Variants in DVL1 observed in about 807,000 individuals in gnomAD.
The protein encoded by DVL1 is segment polarity protein dishevelled homolog DVL-1.
DVL1 carries 49 observed loss-of-function variants against 65.0 expected under a neutral mutation model. The ratio of observed to expected loss-of-function variants is 0.75; its 90% confidence interval spans 0.60 to 0.96. DVL1 has a LOEUF of 0.96. Ranked by LOEUF, DVL1 falls within the 40% of genes least tolerant of loss-of-function variation. DVL1 has a pLI of 0.00. For synonymous variants in DVL1, 608 were observed against 433.9 expected (o/e 1.40, Z -4.99); for missense variants, 1,197 against 1,045.4 (o/e 1.15, Z -2.00).
Position 1,338,061 on chromosome 1 carries a change from C to G in DVL1, c.1630G>C (p.Gly544Arg). 2 of 1,611,192 alleles carry G rather than the reference C, an allele frequency of 1.2e-6. No homozygotes were observed. The highest frequency in any genetic ancestry group is 8.5e-7 in the Non-Finnish European group (1 of 1,179,294). ...GCAGGCGGGAAGCAGGGTGGGGGTC[C>G]CGGGTACTGGTAGGGGTAGCCCTGA... ...LGQGYPYQYP[G>R]PPPCFPPAYQ... is the part of the protein sequence containing the mutation. The change falls in exon 14 of 15, where the codon GGA becomes CGA. Residue 544 changes from glycine (G) to arginine (R), a missense_variant. Transcript: ENST00000378888.
At position 1,338,372 on chromosome 1, in the gene DVL1, C is replaced by A. The variant is rs1557664671; in HGVS notation, c.1404G>T (p.Arg468=). Residue 468 remains arginine (R), a synonymous_variant, in exon 13 of 15, where the codon CGG becomes CGT. Coordinates refer to ENST00000378888, the MANE Select transcript of DVL1 (RefSeq NM_001330311.2). ...GCTTCAGCAAGCTGCTGGCGTACTT[C>A]CGGGCCTCCCGCCGCTCCTTGAAGC... is the stretch of plus-strand genomic sequence containing the variant. ...VEGFKERREA[R]KYASSLLKHG... The A allele has an allele frequency of 6.2e-7, 1 of 1,612,498 alleles. No individual in the cohort carries two copies. The highest frequency in any genetic ancestry group is 8.5e-7 in the Non-Finnish European group (1 of 1,179,856).
chr1:1,341,288 C>T (rs147339132), intron 5 of DVL1, among the ~76,000 whole-genome samples: 34 of 151,728 alleles, frequency 2.2e-4, no homozygotes, highest in Non-Finnish European at 8.8e-5. Flanking sequence ...TGAAAACGCA[C>T]CTCACACACA....
Position 1,339,592 on chromosome 1 carries a change from G to C in DVL1, c.1044C>G (p.Thr348=). 1 of 1,607,050 alleles carries C rather than the reference G, an allele frequency of 6.2e-7. No homozygotes were observed. Among genetic ancestry groups the C allele is most frequent in the Non-Finnish European group, 8.5e-7 (1 of 1,176,316 alleles). Reference sequence around the variant, plus strand: ...CCGAGGGCCACTCACCCCGTGGGACGGTGAAGTAGCTTCGGGGCGTTGGGT... The same window carrying C: ...CCGAGGGCCACTCACCCCGTGGGACCGTGAAGTAGCTTCGGGGCGTTGGGT... ...CWDPTPRSYF[T]VPRADPVRPI... The change falls in exon 10 of 15, where the codon ACC becomes ACG. Residue 348 remains threonine, a synonymous_variant. Coordinates refer to ENST00000378888, the MANE Select transcript of DVL1 (RefSeq NM_001330311.2).
At chr1:1,341,886 G>A in intron 4 of DVL1, 81 bp from the exon 5 acceptor site, 4 of 1,486,384 alleles carry the variant, frequency 2.7e-6, no homozygotes, top group Non-Finnish European at 3.6e-6. Flanking sequence ...AGTGCTGCAT[G>A]CCTGTGGGTC....
Position 1,339,781 on chromosome 1 carries a change from T to C in DVL1, c.941A>G (p.Asn314Ser), listed in dbSNP as rs772527321. ...VNDVNFENMS[N>S]DDAVRVLREI... ...CCGCAGCACCCGCACGGCATCGTCATTGCTCATGTTCTCAAAGTTCACGTC... is the reference window on the plus strand; with the variant it reads ...CCGCAGCACCCGCACGGCATCGTCACTGCTCATGTTCTCAAAGTTCACGTC... Residue 314 changes from asparagine to serine, a missense_variant, in exon 9 of 15, where the codon AAT (asparagine) becomes AGT (serine). Transcript: ENST00000378888. The C allele has an allele frequency of 6.2e-6, 10 of 1,612,212 alleles. No individual in the cohort carries two copies. In the East Asian group the frequency reaches 2.2e-4, roughly 36 times the overall value.
In DVL1 at chr1:1,349,247, G is replaced by A; in HGVS notation, c.-182C>T. ...CCCGGCCGCCGCCCCCGGCTCCCGC[G>A]CGCGTCCCGACTGCTGCCCCGCGGC... On this transcript the variant is annotated 5_prime_UTR_variant, in exon 1 of 15. Transcript: ENST00000378888. The surrounding 1 kb of genome is among the most constrained non-coding windows in gnomAD (Gnocchi z 4.1). The A allele has an allele frequency of 5.2e-6, 1 of 193,134 alleles. No homozygotes were observed. The highest frequency in any genetic ancestry group is 9.1e-6 in the Non-Finnish European group (1 of 109,474). 12.0% of individuals were successfully genotyped at this position (193,134 alleles called of 1,614,324 possible). A position where few individuals can be genotyped will look rare whatever the true frequency, so the allele number is the denominator to read the frequency against.
At chr1:1,336,849 T>C (rs1418565173) in intron 14 of DVL1, among the ~76,000 whole-genome samples, 1 of 152,100 alleles carries the variant, frequency 6.6e-6, no homozygotes, top group African/African-American at 2.4e-5. Flanking sequence ...GGTGCCCCCG[T>C]GGCCATCCTG....
intron 1 of DVL1, among the ~76,000 whole-genome samples, chr1:1,348,455 G>A (rs1246541619): frequency 6.6e-6 from 1 of 152,160 alleles, no homozygotes; most frequent in South Asian, 2.1e-4. Context: ...TGACCCTCGG[G>A]AAGCTTCTGC....
chr1:1,336,494 G>T lies in DVL1; in HGVS notation c.1736C>A (p.Thr579Asn). The T allele has an allele frequency of 6.5e-7, 1 of 1,529,390 alleles. No homozygotes were observed. The highest frequency in any genetic ancestry group is 8.7e-7 in the Non-Finnish European group (1 of 1,147,770). 94.7% of individuals were successfully genotyped at this position (1,529,390 alleles called of 1,614,324 possible). ...GCCCGGGGCCCGGCGGCTGCTCCGG[G>T]TGGACCCACTGCTTTTGCTCCCTGG... ...QSEGSKSSGS[T>N]RSSRRAPGRE... is the part of the protein sequence containing the mutation. The change falls in exon 15 of 15, where the codon ACC (threonine) becomes AAC (asparagine). Residue 579 changes from threonine (T) to asparagine (N), a missense_variant. By Grantham distance (65) the Thr-to-Asn change is moderately conservative (BLOSUM62 0). Transcript: ENST00000378888.
Position 1,340,389 on chromosome 1 carries a change from C to A in DVL1, c.699+21G>T, listed in dbSNP as rs755728767. ...CTGACTTCGCCTCCCCAGCCCCGCC[C>A]TGCTCCACCCGGCTGCCTACCCGGT... On this transcript the variant is annotated intron_variant, in intron 6 of 14. Coordinates refer to ENST00000378888, the MANE Select transcript of DVL1 (RefSeq NM_001330311.2). 9.9e-6 allele frequency: 16 copies of A among 1,612,540 alleles called. No homozygotes were observed. The African/African-American group carries it at 2.0e-4, about 20-fold the overall frequency.
At position 1,349,213 on chromosome 1, in the gene DVL1, C is replaced by A. The variant is rs1036242591; in HGVS notation, c.-148G>T. On this transcript the variant is annotated 5_prime_UTR_variant, in exon 1 of 15. Transcript: ENST00000378888. This position sits in a 1 kb window ranked among gnomAD's most constrained non-coding sequence, Gnocchi z 4.1. ...AGGCCCCCGGGCGCCCCCGCCCGAC[C>A]GCCCAGGCCCCGGCCGCCGCCCCCG... is the stretch of plus-strand genomic sequence containing the variant. 2 of 337,000 alleles carry A rather than the reference C, an allele frequency of 5.9e-6. No individual in the cohort carries two copies. The highest frequency in any genetic ancestry group is 1.1e-4 in the South Asian group (1 of 9,088). The allele number at this position is 337,000 out of a possible 1,614,324, so 20.9% of individuals were successfully genotyped here. A position where few individuals can be genotyped will look rare whatever the true frequency, so the allele number is the denominator to read the frequency against.
rs371155444 is a variant in DVL1 at position 1,336,223 on chromosome 1, G to C, written c.2007C>G (p.Val669=). 9 of 1,558,852 alleles carry C rather than the reference G, an allele frequency of 5.8e-6. No homozygotes were observed. Among genetic ancestry groups the C allele is most frequent in the African/African-American group, 1.3e-5 (1 of 74,230 alleles). Residue 669 remains valine (V), a synonymous_variant, in exon 15 of 15, where the codon GTC becomes GTG. Transcript: ENST00000378888. ...GGCGGCTGCCTGTCAATTCCGGGGG[G>C]ACGGCAGCCAGCTCCCGGACAGGGG... ...GGPPVRELAA[V]PPELTGSRQS... is the part of the protein sequence containing the mutation.
chr1:1,341,147 C>T (rs1428880012), intron 5 of DVL1, among the ~76,000 whole-genome samples: 1 of 148,610 alleles, frequency 6.7e-6, no homozygotes, highest in Non-Finnish European at 1.5e-5. Flanking sequence ...GCACGCACAC[C>T]TTCACATACA....
Position 1,340,314 on chromosome 1 carries a change from G to A in DVL1, c.702C>T (p.Ala234=), listed in dbSNP as rs141536842. The A allele has an allele frequency of 8.1e-5, 130 of 1,613,952 alleles. No homozygotes were observed. In the African/African-American group the frequency reaches 1.3e-3, roughly 16 times the overall value. ...RKQRLRQADR[A]SSFSSITDST... is the part of the protein sequence containing the mutation. The stretch of plus-strand genomic sequence containing the variant: ...AGTCGGTTATGCTGCTGAAGGAGGA[G>A]GCCTATGGAGGAGAGGGGGCGTGTG... Residue 234 remains alanine, a splice_region_variant and synonymous_variant, in exon 7 of 15, where the codon GCC becomes GCT. Coordinates refer to ENST00000378888, the MANE Select transcript of DVL1 (RefSeq NM_001330311.2).
rs372681220 is a variant in DVL1 at position 1,336,453 on chromosome 1, G to A, written c.1777C>T (p.Arg593Trp). The change falls in exon 15 of 15, where the codon CGG becomes TGG. Residue 593 changes from arginine (R) to tryptophan (W), a missense_variant. Coordinates refer to ENST00000378888, the MANE Select transcript of DVL1 (RefSeq NM_001330311.2). ...CCACTGCCCCCAGCTCCCGCCGCCC[G>A]ACGCTCCTTCTCACGGCCCGGGGCC... ...RRAPGREKERRAAGAGGSGSE... is the reference protein window; with the variant it reads ...RRAPGREKERWAAGAGGSGSE... 2.6e-4 allele frequency: 411 copies of A among 1,571,592 alleles called. No individual in the cohort carries two copies. Among genetic ancestry groups the A allele is most frequent in the Non-Finnish European group, 3.2e-4 (377 of 1,166,664 alleles).
rs565156064 is a variant in DVL1 at position 1,346,225 on chromosome 1, C to T, written c.170+2671G>A. ...CAGGACACAAGGAGCTGTCACAACA[C>T]CGAGGCCCATGGCAGGCGGCCCTGG... On this transcript the variant is annotated intron_variant, in intron 1 of 14. Transcript: ENST00000378888. Among the ~76,000 whole-genome samples, 581 of 152,266 alleles carry T rather than the reference C, an allele frequency of 3.8e-3. 4 individuals are homozygous for T. Among genetic ancestry groups the T allele is most frequent in the African/African-American group, 0.013 (547 of 41,556 alleles).
At position 1,336,274 on chromosome 1, in the gene DVL1, T is replaced by C. The variant is rs2100702878; in HGVS notation, c.1956A>G (p.Thr652=). The change falls in exon 15 of 15, where the codon ACA becomes ACG. Residue 652 remains threonine (T), a synonymous_variant. Coordinates refer to ENST00000378888, the MANE Select transcript of DVL1 (RefSeq NM_001330311.2). The stretch of plus-strand genomic sequence containing the variant: ...GTCCCCCGGGTGGCCCCCCCACCAC[T>C]GTATAGGCCTTGGTCGTGGGGTGGG... The part of the protein sequence containing the change: ...PPPHPTTKAY[T]VVGGPPGGPP... 3 of 1,563,572 alleles carry C rather than the reference T, an allele frequency of 1.9e-6. No individual in the cohort carries two copies. Among genetic ancestry groups the C allele is most frequent in the East Asian group, 2.3e-5 (1 of 43,030 alleles).
At chr1:1,341,316 A>T (rs1643817208) in intron 5 of DVL1, among the ~76,000 whole-genome samples, 1 of 152,150 alleles carries the variant, frequency 6.6e-6, no homozygotes, top group Non-Finnish European at 1.5e-5. Flanking sequence ...GCACACACAG[A>T]CATGCGCATC....
In DVL1 at chr1:1,337,965, C is replaced by G; in HGVS notation, c.1714+12G>C. On this transcript the variant is annotated intron_variant, in intron 14 of 14. Transcript: ENST00000378888. ...GGAGCCGGGGAAGGGCAGGTAGGGG[C>G]GGCGTTCTCACCTTCACTCTGCTGA... 1 of 1,608,000 alleles carries G rather than the reference C, an allele frequency of 6.2e-7. No homozygotes were observed. Among genetic ancestry groups the G allele is most frequent in the Non-Finnish European group, 8.5e-7 (1 of 1,177,624 alleles).
Sources: allele counts gnomAD v4.1 joint callset (sites outside exome capture counted in the v4.1 genomes callset), GRCh38; gene constraint gnomAD v4.1.1; non-coding constraint Gnocchi (gnomAD v3.1); transcripts MANE v1.5; gene names NCBI Gene and HGNC (gene_info 2026-07-23, HGNC 2026-07-21).